Variants in TXK observed in about 807,000 individuals in gnomAD.
TXK encodes the protein TXK tyrosine kinase.
TXK carries 60 observed loss-of-function variants against 81.0 expected under a neutral mutation model. The observed-to-expected ratio is 0.74, with a 90% confidence interval of 0.60 to 0.92. The LOEUF is 0.92. Among genes scored for constraint, TXK ranks in the 40% least tolerant of loss-of-function variants. The pLI is 0.00. For missense variants in TXK, 581 were observed against 638.3 expected, an observed-to-expected ratio of 0.91 and a Z score of 0.97; for synonymous variants, 203 against 210.7, an observed-to-expected ratio of 0.96 and a Z score of 0.32.
chr4:48,069,372 C>A (rs898823704), intron 14 of TXK, among the ~76,000 whole-genome samples: 16 of 149,980 alleles, frequency 1.1e-4, no homozygotes, highest in African/African-American at 3.5e-4. Flanking sequence ...GTCACCCAGG[C>A]TGGAGTGCAA....
In TXK at chr4:48,110,562, T is replaced by C; in HGVS notation, c.422A>G (p.Lys141Arg). 6.2e-7 allele frequency: 1 copy of C among 1,611,786 alleles called. No individual in the cohort carries two copies. Among genetic ancestry groups the C allele is most frequent in the Non-Finnish European group, 8.5e-7 (1 of 1,178,472 alleles). Residue 141 changes from lysine to arginine, a missense_variant, in exon 5 of 15, where the codon AAA (lysine) becomes AGA (arginine). By Grantham distance (26) the Lys-to-Arg change is conservative. Coordinates refer to ENST00000264316, the MANE Select transcript of TXK (RefSeq NM_003328.3). ...CTCATATATTTCTAAATTAGTTATTTTGTTTTCAGTCACATAGTTGCTTGG... is the reference window on the plus strand; with the variant it reads ...CTCATATATTTCTAAATTAGTTATTCTGTTTTCAGTCACATAGTTGCTTGG... Reference protein sequence around the residue: ...LIPSNYVTENKITNLEIYEWY... With the variant: ...LIPSNYVTENRITNLEIYEWY...
At chr4:48,071,273 A>G (rs1337586821) in intron 14 of TXK, among the ~76,000 whole-genome samples, 2 of 152,222 alleles carry the variant, frequency 1.3e-5, no homozygotes, top group African/African-American at 4.8e-5. Context: ...GCAAGAACCA[A>G]TCTCAAACAG....
rs139889953 is a variant in TXK, at chr4:48,119,379, G to A, written c.17-4977C>T. ...TTACTTACCTTTCTCTGATTTGGAC[G>A]TCACCATTGCTCAGTTGTTGAGCCA... On this transcript the variant is annotated intron_variant, in intron 1 of 14. Coordinates refer to ENST00000264316, the MANE Select transcript of TXK (RefSeq NM_003328.3). Among the ~76,000 whole-genome samples the A allele has an allele frequency of 8.9e-4, 136 of 152,186 alleles. 1 individual carries two copies. In the South Asian group the frequency reaches 0.023, roughly 26 times the overall value.
In TXK at chr4:48,112,503, C is replaced by T. The variant is rs1718667676; in HGVS notation, c.184G>A (p.Gly62Ser). 4.4e-6 allele frequency: 7 copies of T among 1,608,954 alleles called. No individual in the cohort carries two copies. Among genetic ancestry groups the T allele is most frequent in the South Asian group, 1.1e-5 (1 of 90,542 alleles). ...TTTCGTTTTGACGGCTGCACACGGCCCGTGTTGGACTGTGAAAACCAATAA... is the reference window on the plus strand; with the variant it reads ...TTTCGTTTTGACGGCTGCACACGGCTCGTGTTGGACTGTGAAAACCAATAA... Reference protein sequence around the residue: ...QLSNKKQSNTGRVQPSKRKPL... With the variant: ...QLSNKKQSNTSRVQPSKRKPL... Residue 62 changes from glycine to serine, a missense_variant, in exon 4 of 15, where the codon GGC becomes AGC. By Grantham distance (56) the Gly-to-Ser change is moderately conservative. Coordinates refer to ENST00000264316, the MANE Select transcript of TXK (RefSeq NM_003328.3).
chr4:48,130,704 T>C (rs1380750375), intron 1 of TXK, among the ~76,000 whole-genome samples: 1 of 152,232 alleles, frequency 6.6e-6, no homozygotes, highest in Non-Finnish European at 1.5e-5. Context: ...CTACCACAGC[T>C]ACCCTCCTTA....
At chr4:48,075,215 T>G (rs1717019366) in intron 12 of TXK, among the ~76,000 whole-genome samples, 1 of 152,104 alleles carries the variant, frequency 6.6e-6, no homozygotes, top group African/African-American at 2.4e-5. Context: ...CACATTAGGT[T>G]GGTGGGATTT....
chr4:48,120,459 CT>C (rs367852746), intron 1 of TXK, among the ~76,000 whole-genome samples: 1 of 149,972 alleles, frequency 6.7e-6, no homozygotes, highest in Non-Finnish European at 1.5e-5. Flanking sequence ...TTGATTTGCT[CT>C]CTATTTATTG....
chr4:48,090,814 T>C (rs1717735939), intron 8 of TXK, among the ~76,000 whole-genome samples: 1 of 152,226 alleles, frequency 6.6e-6, no homozygotes, highest in Admixed American at 6.5e-5. Context: ...ATAATTACTT[T>C]AGAGTGGGTG....
At chr4:48,128,681 C>T (rs1483993185) in intron 1 of TXK, among the ~76,000 whole-genome samples, 1 of 150,248 alleles carries the variant, frequency 6.7e-6, no homozygotes, top group Non-Finnish European at 1.5e-5. Flanking sequence ...TCTCCTGCCT[C>T]AGCCTCCCGA....
chr4:48,115,947 C>T (rs974272224), intron 1 of TXK, among the ~76,000 whole-genome samples: 9 of 152,262 alleles, frequency 5.9e-5, no homozygotes, highest in East Asian at 1.9e-4. Context: ...TATTGACATC[C>T]GAAAATATTC....
In TXK at chr4:48,073,924, G is replaced by A. The variant is rs1275200344; in HGVS notation, c.1357+11C>T. On this transcript the variant is annotated intron_variant, in intron 13 of 14. Coordinates refer to ENST00000264316, the MANE Select transcript of TXK (RefSeq NM_003328.3). Reference sequence around the variant, plus strand: ...ATCAAGCTCCAGCAAGTGAACATCAGATGCACTCACCAAATGACCAGACAT... The same window carrying A: ...ATCAAGCTCCAGCAAGTGAACATCAAATGCACTCACCAAATGACCAGACAT... 2.6e-6 allele frequency: 4 copies of A among 1,532,038 alleles called. No homozygotes were observed. The highest frequency in any genetic ancestry group is 3.6e-6 in the Non-Finnish European group (4 of 1,109,546). The allele number at this position is 1,532,038 out of a possible 1,614,324, so 94.9% of individuals were successfully genotyped here. A position where few individuals can be genotyped will look rare whatever the true frequency, so the allele number is the denominator to read the frequency against.
chr4:48,124,913 G>C (rs761623872), intron 1 of TXK, among the ~76,000 whole-genome samples: 3 of 152,180 alleles, frequency 2.0e-5, no homozygotes, highest in Non-Finnish European at 4.4e-5. Flanking sequence ...TCAAATCACT[G>C]TTCCCTTTTC....
chr4:48,107,018 T>C (rs911079320), intron 5 of TXK, among the ~76,000 whole-genome samples: 2 of 152,126 alleles, frequency 1.3e-5, no homozygotes, highest in Non-Finnish European at 2.9e-5. Context: ...CTTATTACAA[T>C]TGTAAATTTG....
chr4:48,116,078 A>G (rs1002616008), intron 1 of TXK, among the ~76,000 whole-genome samples: 5 of 152,128 alleles, frequency 3.3e-5, no homozygotes, highest in African/African-American at 1.2e-4. Flanking sequence ...TCTAAGTCTT[A>G]GTTTTTCTAA....
chr4:48,112,638 G>T, intron 3 of TXK, 126 bp from the exon 4 acceptor site: 1 of 924,184 alleles, frequency 1.1e-6, no homozygotes, highest in Non-Finnish European at 1.6e-6. Flanking sequence ...GCAGAAGCCA[G>T]GATGAGATAA....
At chr4:48,113,331 G>A (rs772792433) in intron 2 of TXK, 22 bp from the exon 3 acceptor site, 5 of 1,559,670 alleles carry the variant, frequency 3.2e-6, no homozygotes, top group South Asian at 2.3e-5. Flanking sequence ...AAGCAATCAT[G>A]TTACAAATAA....
intron 5 of TXK, among the ~76,000 whole-genome samples, chr4:48,106,653 C>T (rs1037511861): frequency 6.6e-6 from 1 of 151,976 alleles, no homozygotes; most frequent in Non-Finnish European, 1.5e-5. Flanking sequence ...GATCTAGAAA[C>T]CCCATTAGAT....
intron 10 of TXK, among the ~76,000 whole-genome samples, chr4:48,084,578 T>C (rs113142657): frequency 9.8e-5 from 15 of 152,314 alleles, no homozygotes; most frequent in African/African-American, 3.6e-4. Flanking sequence ...ATTTTTGTCC[T>C]TTAGGTATAG....
chr4:48,070,091 G>GTT (rs2109392683), intron 14 of TXK, among the ~76,000 whole-genome samples: 1 of 152,318 alleles, frequency 6.6e-6, no homozygotes, highest in Non-Finnish European at 1.5e-5. Context: ...ATATTCTAGT[G>GTT]TTTGTGGATT....
Sources: allele counts gnomAD v4.1 joint callset (sites outside exome capture counted in the v4.1 genomes callset), GRCh38; gene constraint gnomAD v4.1.1; transcripts MANE v1.5; gene names NCBI Gene and HGNC (gene_info 2026-07-23, HGNC 2026-07-21).